TANC2: variants seen among roughly 807,000 people sequenced by gnomAD.
The protein encoded by TANC2 is tetratricopeptide repeat, ankyrin repeat and coiled-coil containing 2.
A neutral mutation model predicts 210.5 loss-of-function variants in TANC2; 26 were observed. The ratio of observed to expected loss-of-function variants is 0.12; its 90% CI spans 0.09 to 0.17. The LOEUF (loss-of-function observed/expected upper bound fraction) is 0.17, where lower values mean the gene tolerates loss of function less well. Among genes scored for constraint, TANC2 ranks in the 10% least tolerant of loss-of-function variants. The pLI, the probability that TANC2 is intolerant of heterozygous loss-of-function variation, is 1.00. For synonymous variants in TANC2, 931 were observed against 967.1 expected (o/e 0.96, Z 0.69); for missense variants, 2,129 against 2,608.9 (o/e 0.82, Z 4.01).
intron 2 of TANC2, among the ~76,000 whole-genome samples, chr17:63,016,674 T>G (rs1461552554): frequency 1.3e-5 from 2 of 152,200 alleles, no homozygotes; most frequent in Non-Finnish European, 1.5e-5. Flanking sequence ...ATATTCTTTC[T>G]GTCATGGCAT....
At chr17:63,341,907 A>G (rs1222151102) in intron 12 of TANC2, among the ~76,000 whole-genome samples, 1 of 152,178 alleles carries the variant, frequency 6.6e-6, no homozygotes, top group Non-Finnish European at 1.5e-5. Flanking sequence ...ATTCACTGTT[A>G]TCCTTAGGAA....
At chr17:63,158,806 G>A (rs2039926434) in intron 5 of TANC2, among the ~76,000 whole-genome samples, 1 of 152,202 alleles carries the variant, frequency 6.6e-6, no homozygotes. Flanking sequence ...GCAGGGTTCT[G>A]TGGCTCTCAC....
intron 12 of TANC2, among the ~76,000 whole-genome samples, chr17:63,349,021 G>A (rs1333888039): frequency 2.0e-5 from 3 of 151,958 alleles, no homozygotes; most frequent in Admixed American, 6.6e-5. Flanking sequence ...GATATCCTTA[G>A]ATAAATATGC....
chr17:63,277,075 TA>T (rs2043900492), intron 9 of TANC2, among the ~76,000 whole-genome samples: 1 of 152,134 alleles, frequency 6.6e-6, no homozygotes, highest in African/African-American at 2.4e-5. Context: ...CCTCTCTTCC[TA>T]AATAGTACTT....
chr17:63,325,659 A>G (rs1035165074), intron 11 of TANC2, among the ~76,000 whole-genome samples: 7 of 152,310 alleles, frequency 4.6e-5, no homozygotes, highest in Non-Finnish European at 7.3e-5. Flanking sequence ...CTGATATACA[A>G]TGGAAGTTCA....
chr17:63,152,709 G>A (rs1169093057), intron 5 of TANC2: 1 of 152,048 alleles, frequency 6.6e-6, no homozygotes, highest in Non-Finnish European at 1.5e-5. Flanking sequence ...AGTAAAATAA[G>A]TGTGCTAATT....
At chr17:63,002,436 A>C (rs1316440917) in intron 1 of TANC2, among the ~76,000 whole-genome samples, 3 of 152,338 alleles carry the variant, frequency 2.0e-5, no homozygotes, top group East Asian at 3.9e-4. Context: ...CTGCCTCTCT[A>C]TGCCTCCATC....
chr17:63,077,082 C>G (rs772252984), intron 3 of TANC2, among the ~76,000 whole-genome samples: 161 of 152,120 alleles, frequency 1.1e-3, no homozygotes, highest in Non-Finnish European at 1.7e-3. Context: ...TAGATCCAAA[C>G]TAAGGCACAT....
chr17:63,291,293 G>A (rs2044375944), intron 9 of TANC2, among the ~76,000 whole-genome samples: 1 of 152,226 alleles, frequency 6.6e-6, no homozygotes, highest in African/African-American at 2.4e-5. Flanking sequence ...GTACAGAGCA[G>A]TGATTTTCAA....
At chr17:63,294,619 C>G (rs779614636) in intron 9 of TANC2, among the ~76,000 whole-genome samples, 5 of 152,190 alleles carry the variant, frequency 3.3e-5, no homozygotes, top group Non-Finnish European at 7.3e-5. Flanking sequence ...ACAACAAACA[C>G]TCATATGCCC....
intron 14 of TANC2, among the ~76,000 whole-genome samples, chr17:63,363,735 C>T (rs2047030751): frequency 6.6e-6 from 1 of 152,112 alleles, no homozygotes; most frequent in Non-Finnish European, 1.5e-5. Flanking sequence ...GTTTTTATAC[C>T]AGTACCATGC....
At chr17:63,017,110 G>T (rs545181633) in intron 2 of TANC2, among the ~76,000 whole-genome samples, 1 of 152,232 alleles carries the variant, frequency 6.6e-6, no homozygotes, top group Admixed American at 6.5e-5. Context: ...TTTGCATGTG[G>T]TATGAAGGAA....
intron 8 of TANC2, among the ~76,000 whole-genome samples, chr17:63,266,352 G>T (rs898642160): frequency 4.6e-5 from 7 of 151,988 alleles, no homozygotes; most frequent in Admixed American, 4.6e-4. Flanking sequence ...TTACGGCACA[G>T]TGCTGACATT....
At chr17:63,117,930 T>C (rs2038314367) in intron 4 of TANC2, among the ~76,000 whole-genome samples, 1 of 152,162 alleles carries the variant, frequency 6.6e-6, no homozygotes, top group South Asian at 2.1e-4. Context: ...TTTAATTGTG[T>C]GTTCTTTTGC....
At chr17:63,123,266 G>A (rs763154862) in intron 4 of TANC2, among the ~76,000 whole-genome samples, 11 of 152,088 alleles carry the variant, frequency 7.2e-5, no homozygotes, top group Non-Finnish European at 1.6e-4. Flanking sequence ...GATATAAGAG[G>A]GGAAATGTGG....
At chr17:63,314,152 A>G (rs1414068405) in intron 9 of TANC2, among the ~76,000 whole-genome samples, 2 of 152,208 alleles carry the variant, frequency 1.3e-5, no homozygotes, top group Non-Finnish European at 2.9e-5. Context: ...GATCAAGTAA[A>G]TCATTAATGT....
intron 14 of TANC2, among the ~76,000 whole-genome samples, chr17:63,365,735 C>A (rs1463634458): frequency 6.6e-6 from 1 of 152,114 alleles, no homozygotes; most frequent in Non-Finnish European, 1.5e-5. Context: ...CCATCTGGAG[C>A]TCACTTTCCC....
chr17:63,018,794 A>G (rs987550358), intron 2 of TANC2, among the ~76,000 whole-genome samples: 1 of 152,222 alleles, frequency 6.6e-6, no homozygotes, highest in Non-Finnish European at 1.5e-5. Flanking sequence ...TGTTATATAA[A>G]TGAGTTGTAC....
At chr17:63,399,030 T>A in intron 19 of TANC2, 116 bp downstream of exon 19, 1 of 645,766 alleles carries the variant, frequency 1.5e-6, no homozygotes, top group Non-Finnish European at 2.6e-6. Flanking sequence ...CAGGCTTTTG[T>A]AATGCAGACT....
Sources: allele counts gnomAD v4.1 joint callset (sites outside exome capture counted in the v4.1 genomes callset), GRCh38; gene constraint gnomAD v4.1.1; transcripts MANE v1.5; gene names NCBI Gene and HGNC (gene_info 2026-07-23, HGNC 2026-07-21).